The following RANBP2 variants were observed in gnomAD, a reference collection of about 807,000 sequenced individuals.
The protein encoded by RANBP2 is RAN binding protein 2.
RANBP2 carries 57 observed loss-of-function variants against 303.6 expected under a neutral mutation model. The ratio of observed to expected loss-of-function variants is 0.19; its 90% CI spans 0.15 to 0.23. The LOEUF is 0.23. RANBP2 is among the 10% of genes least tolerant of loss of function. The pLI, the probability that RANBP2 is intolerant of heterozygous loss-of-function variation, is 1.00. For missense variants in RANBP2, 3,138 were observed against 3,780.8 expected (o/e 0.83, Z 4.46); for synonymous variants, 1,167 against 1,301.5 (o/e 0.90, Z 2.23).
the RANBP2 span, chr2:109,732,886 C>G: frequency 9.8e-7 from 1 of 1,020,350 alleles, no homozygotes; most frequent in African/African-American, 1.6e-5. Flanking sequence ...CAGGTGTGGT[C>G]TGAGAACTAG....
At chr2:109,022,299 C>T in the RANBP2 span, among the ~76,000 whole-genome samples, 7 of 152,214 alleles carry the variant, frequency 4.6e-5, no homozygotes, top group African/African-American at 1.7e-4. Context: ...CCGCCCCACT[C>T]ACTCATGTGC....
At chr2:109,718,247 A>G in the RANBP2 span, among the ~76,000 whole-genome samples, 11 of 152,190 alleles carry the variant, frequency 7.2e-5, no homozygotes, top group Non-Finnish European at 1.6e-4. Context: ...AAAGCATATG[A>G]CCACCTAAAA....
chr2:109,183,765 A>G, the RANBP2 span, among the ~76,000 whole-genome samples: 3 of 152,300 alleles, frequency 2.0e-5, no homozygotes, highest in East Asian at 5.8e-4. Context: ...CAGGTCAGGA[A>G]TTATTTATAC....
chr2:108,798,185 C>A, the RANBP2 span, among the ~76,000 whole-genome samples: 1 of 152,058 alleles, frequency 6.6e-6, no homozygotes, highest in Non-Finnish European at 1.5e-5. Flanking sequence ...CCATTTTGGA[C>A]CCTAAATTCT....
At chr2:109,515,808 C>T in the RANBP2 span, among the ~76,000 whole-genome samples, 1 of 152,044 alleles carries the variant, frequency 6.6e-6, no homozygotes, top group East Asian at 1.9e-4. Flanking sequence ...GGGGCCGTGG[C>T]GGACTTTTTC....
chr2:109,201,071 G>A, the RANBP2 span, among the ~76,000 whole-genome samples: 7 of 152,182 alleles, frequency 4.6e-5, no homozygotes, highest in Non-Finnish European at 8.8e-5. Flanking sequence ...TGAAGCAGCC[G>A]TGCTCAGGGA....
At chr2:109,589,329 T>G in the RANBP2 span, among the ~76,000 whole-genome samples, 2 of 152,034 alleles carry the variant, frequency 1.3e-5, no homozygotes, top group East Asian at 3.9e-4. Flanking sequence ...GGCCAGGAGT[T>G]TGAAACCAAC....
the RANBP2 span, among the ~76,000 whole-genome samples, chr2:109,491,304 G>T: frequency 6.6e-6 from 1 of 152,168 alleles, no homozygotes. Flanking sequence ...TGAGTCCCCA[G>T]TGGGCCTATG....
the RANBP2 span, among the ~76,000 whole-genome samples, chr2:109,262,949 C>T: frequency 6.6e-6 from 1 of 152,162 alleles, no homozygotes; most frequent in Admixed American, 6.5e-5. Context: ...TCTTCTGTCT[C>T]AGCCTCCCAC....
the RANBP2 span, among the ~76,000 whole-genome samples, chr2:109,211,962 C>T: frequency 6.6e-6 from 1 of 152,188 alleles, no homozygotes; most frequent in East Asian, 1.9e-4. Flanking sequence ...ATTTCTGTTA[C>T]CTCTTTCTAG....
At chr2:109,325,620 A>G in the RANBP2 span, among the ~76,000 whole-genome samples, 1 of 151,996 alleles carries the variant, frequency 6.6e-6, no homozygotes, top group African/African-American at 2.4e-5. Context: ...GAACTCACTC[A>G]CCACTTCCCA....
At chr2:108,857,287 C>T in the RANBP2 span, among the ~76,000 whole-genome samples, 12 of 151,916 alleles carry the variant, frequency 7.9e-5, no homozygotes, top group Non-Finnish European at 1.5e-4. Context: ...CCATGTTGGC[C>T]AGGATGGTCT....
At chr2:109,000,266 T>C in the RANBP2 span, among the ~76,000 whole-genome samples, 18 of 152,272 alleles carry the variant, frequency 1.2e-4, no homozygotes, top group Non-Finnish European at 2.5e-4. Context: ...GTGGCTCATG[T>C]CTGTAATCCC....
At chr2:109,514,189 G>A in the RANBP2 span, among the ~76,000 whole-genome samples, 1 of 152,224 alleles carries the variant, frequency 6.6e-6, no homozygotes, top group East Asian at 1.9e-4. Context: ...GCCAGATTCT[G>A]AGCTTATGTA....
At chr2:108,872,685 T>C in the RANBP2 span, among the ~76,000 whole-genome samples, 3 of 152,160 alleles carry the variant, frequency 2.0e-5, no homozygotes, top group African/African-American at 7.2e-5. Flanking sequence ...AAGAGGGGGC[T>C]GCACTCACAC....
chr2:109,509,926 C>T, the RANBP2 span, among the ~76,000 whole-genome samples: 7 of 152,188 alleles, frequency 4.6e-5, no homozygotes, highest in Admixed American at 1.3e-4. Context: ...CGATAGCTAC[C>T]GGGCAAATAC....
chr2:108,990,600 CAGAAA>C, the RANBP2 span, among the ~76,000 whole-genome samples: 1,403 of 151,976 alleles, frequency 9.2e-3, 26 homozygotes, highest in African/African-American at 0.031. Flanking sequence ...TGTCTCAAAA[CAGAAA>C]AGAAAAGAAA....
At chr2:108,854,322 A>T in the RANBP2 span, among the ~76,000 whole-genome samples, 1 of 151,348 alleles carries the variant, frequency 6.6e-6, no homozygotes, top group Non-Finnish European at 1.5e-5. Context: ...AGTTACTTCA[A>T]CTCTATAGTC....
the RANBP2 span, among the ~76,000 whole-genome samples, chr2:109,302,056 A>T: frequency 1.3e-5 from 2 of 152,174 alleles, no homozygotes; most frequent in African/African-American, 2.4e-5. Context: ...AGCTTTGAGC[A>T]TTTGAAGAAT....
Sources: gnomAD v4.1 joint callset for allele counts (sites outside exome capture counted in the v4.1 genomes callset) on GRCh38, gnomAD v4.1.1 for gene constraint, MANE v1.5 for transcripts, NCBI Gene and HGNC (gene_info 2026-07-23, HGNC 2026-07-21) for gene names.